The following PTPRD variants were observed in gnomAD, a reference collection of about 807,000 sequenced individuals.
PTPRD encodes protein tyrosine phosphatase receptor type D, also known as receptor-type tyrosine-protein phosphatase delta.
In PTPRD, 34 loss-of-function variants were observed where a neutral mutation model predicts 214.5. That is an observed-to-expected ratio of 0.16 (90% CI 0.12 to 0.21). The LOEUF is 0.21. PTPRD is among the 10% of genes least tolerant of loss of function. PTPRD has a pLI of 1.00. For missense variants in PTPRD, 2,545 were observed against 2,398.7 expected, an observed-to-expected ratio of 1.06 and a Z score of -1.27; for synonymous variants, 1,128 against 845.7, an observed-to-expected ratio of 1.33 and a Z score of -5.79.
At chr9:8,882,515 C>A (rs1385571377) in intron 11 of PTPRD, among the ~76,000 whole-genome samples, 1 of 152,090 alleles carries the variant, frequency 6.6e-6, no homozygotes, top group Non-Finnish European at 1.5e-5. Context: ...GGTTCAGAAC[C>A]TTTATAGCTA....
At chr9:9,968,940 A>C (rs2094903746) in intron 4 of PTPRD, among the ~76,000 whole-genome samples, 1 of 152,154 alleles carries the variant, frequency 6.6e-6, no homozygotes. Flanking sequence ...GTAACTATTC[A>C]AGGCCCCCAC....
intron 10 of PTPRD, among the ~76,000 whole-genome samples, chr9:9,085,129 A>G (rs1440645187): frequency 2.0e-5 from 3 of 152,144 alleles, no homozygotes; most frequent in Non-Finnish European, 4.4e-5. Context: ...TGATAAATAT[A>G]TATTTAGTGA....
chr9:9,935,091 C>A (rs527379176), intron 5 of PTPRD, among the ~76,000 whole-genome samples: 51 of 152,092 alleles, frequency 3.4e-4, no homozygotes, highest in South Asian at 8.3e-4. Context: ...AATAAGAGCT[C>A]TCTATGACAA....
At chr9:9,112,365 T>C (rs1304837454) in intron 10 of PTPRD, among the ~76,000 whole-genome samples, 4 of 152,104 alleles carry the variant, frequency 2.6e-5, no homozygotes, top group Non-Finnish European at 5.9e-5. Context: ...TTTCCCCTCC[T>C]CTCCAGCCTC....
chr9:8,407,524 T>C (rs2093114655), intron 35 of PTPRD, among the ~76,000 whole-genome samples: 1 of 152,164 alleles, frequency 6.6e-6, no homozygotes. Context: ...TAAGCCATGA[T>C]ACTACTTAAC....
intron 11 of PTPRD, among the ~76,000 whole-genome samples, chr9:9,003,589 A>ACCC (rs2099434297): frequency 1.3e-5 from 2 of 152,050 alleles, no homozygotes; most frequent in African/African-American, 4.8e-5. Flanking sequence ...AATGCCAGTT[A>ACCC]AACAGTCATC....
intron 8 of PTPRD, among the ~76,000 whole-genome samples, chr9:9,491,457 C>T (rs2095892341): frequency 6.6e-6 from 1 of 151,816 alleles, no homozygotes; most frequent in South Asian, 2.1e-4. Context: ...CGGAAATGTA[C>T]AGAATACTCT....
At chr9:8,636,541 A>G (rs2096440958) in intron 13 of PTPRD, among the ~76,000 whole-genome samples, 158 bp downstream of exon 13, 1 of 152,170 alleles carries the variant, frequency 6.6e-6, no homozygotes. Context: ...TCCTTTTTTA[A>G]AAAGCCATTT....
chr9:8,677,888 G>A (rs563611299), intron 12 of PTPRD, among the ~76,000 whole-genome samples: 1 of 152,080 alleles, frequency 6.6e-6, no homozygotes. Flanking sequence ...CAGAGGAAGG[G>A]GAAAGCAGCA....
chr9:8,645,545 A>G (rs994057990), intron 12 of PTPRD, among the ~76,000 whole-genome samples: 2 of 152,156 alleles, frequency 1.3e-5, no homozygotes, highest in Non-Finnish European at 1.5e-5. Context: ...GTATTAAAGC[A>G]TTTCCCATTT....
intron 6 of PTPRD, among the ~76,000 whole-genome samples, chr9:9,760,782 C>G (rs1004925192): frequency 6.6e-6 from 1 of 152,018 alleles, no homozygotes; most frequent in Non-Finnish European, 1.5e-5. Context: ...GGTGAGTAAC[C>G]ACATGAAAAG....
intron 5 of PTPRD, among the ~76,000 whole-genome samples, chr9:9,779,735 C>A (rs757857331): frequency 3.9e-5 from 6 of 152,134 alleles, no homozygotes; most frequent in Non-Finnish European, 5.9e-5. Context: ...GAAAAGGGAG[C>A]ACCAACTTAT....
At chr9:10,228,318 C>T (rs1350301854) in intron 3 of PTPRD, among the ~76,000 whole-genome samples, 4 of 151,930 alleles carry the variant, frequency 2.6e-5, no homozygotes, top group African/African-American at 9.7e-5. Flanking sequence ...TTGCTTAAGT[C>T]AACTAGAAAA....
At chr9:10,507,747 T>A (rs1041770831) in intron 2 of PTPRD, among the ~76,000 whole-genome samples, 3 of 152,140 alleles carry the variant, frequency 2.0e-5, no homozygotes, top group Admixed American at 6.5e-5. Context: ...GCTAGCCATA[T>A]GTAGAAAGCT....
At chr9:9,257,104 G>T (rs1050444850) in intron 9 of PTPRD, among the ~76,000 whole-genome samples, 1 of 151,832 alleles carries the variant, frequency 6.6e-6, no homozygotes. Flanking sequence ...TGGCCCATAT[G>T]TTGTCAGACT....
At position 9,099,745 on chromosome 9, in the gene PTPRD, C is replaced by G. The variant is rs181678431; in HGVS notation, c.-142-81010G>C. Among the ~76,000 whole-genome samples the G allele has an allele frequency of 3.5e-3, 540 of 152,230 alleles. 5 individuals carry two copies. Among genetic ancestry groups the G allele is most frequent in the African/African-American group, 2.8e-3 (116 of 41,550 alleles). ...GAAGTGAGGATTACTTTTTTATGGC[C>G]CATGGTTTCTATGAATAGAATTAAC... On this transcript the variant is annotated intron_variant, in intron 10 of 45. Transcript: ENST00000381196.
Position 8,959,283 on chromosome 9 carries a change from T to C in PTPRD, c.-104+59414A>G, listed in dbSNP as rs576580270. On this transcript the variant is annotated intron_variant, in intron 11 of 45. Transcript: ENST00000381196. ...AGGACAGCAGGATGCTATGGAAACATAATGGGGAAACAACTTACAGTGAGG... is the reference window on the plus strand; with the variant it reads ...AGGACAGCAGGATGCTATGGAAACACAATGGGGAAACAACTTACAGTGAGG... Among the ~76,000 whole-genome samples, 3 of 152,068 alleles carry C rather than the reference T, an allele frequency of 2.0e-5. No individual in the cohort carries two copies. The East Asian group carries it at 5.8e-4, about 29-fold the overall frequency.
At chr9:10,254,557 AT>A (rs2093077017) in intron 3 of PTPRD, among the ~76,000 whole-genome samples, 1 of 152,164 alleles carries the variant, frequency 6.6e-6, no homozygotes, top group Admixed American at 6.5e-5. Flanking sequence ...CCCATCAGCT[AT>A]TTAGAGGAAG....
chr9:9,323,372 G>A (rs567576342), intron 9 of PTPRD, among the ~76,000 whole-genome samples: 2 of 152,120 alleles, frequency 1.3e-5, no homozygotes, highest in Non-Finnish European at 2.9e-5. Context: ...AACCATGAGA[G>A]TTAGGTAGAA....
Sources: allele counts gnomAD v4.1 joint callset (sites outside exome capture counted in the v4.1 genomes callset), GRCh38; gene constraint gnomAD v4.1.1; transcripts MANE v1.5; gene names NCBI Gene and HGNC (gene_info 2026-07-23, HGNC 2026-07-21).